Variants in LCE1C observed in about 807,000 individuals in gnomAD.
The protein encoded by LCE1C is late cornified envelope protein 1C.
LCE1C carries 1 observed loss-of-function variant against 0.7 expected under a neutral mutation model. The ratio of observed to expected loss-of-function variants is 1.44; its 90% CI spans 0.51 to 6.83. LCE1C has a LOEUF of 6.83. Among genes scored for constraint, LCE1C ranks in the 30% most tolerant of loss-of-function variants. The pLI is 0.14. For synonymous variants in LCE1C, 72 were observed against 57.9 expected (o/e 1.24, Z -1.10); for missense variants, 136 against 149.6 (o/e 0.91, Z 0.48).
intron 1 of LCE1C, among the ~76,000 whole-genome samples, chr1:152,805,797 T>C (rs1352098471): frequency 6.6e-6 from 1 of 152,114 alleles, no homozygotes; most frequent in East Asian, 1.9e-4. Flanking sequence ...ATTTAGTAAA[T>C]TAAAGGAAGC....
intron 1 of LCE1C, among the ~76,000 whole-genome samples, chr1:152,806,193 G>C (rs1475100794): frequency 6.6e-6 from 1 of 152,174 alleles, no homozygotes; most frequent in Non-Finnish European, 1.5e-5. Flanking sequence ...TGAATCTAGA[G>C]ATAAGTGAGT....
chr1:152,805,967 G>C (rs12025125), intron 1 of LCE1C, among the ~76,000 whole-genome samples: 1 of 152,014 alleles, frequency 6.6e-6, no homozygotes, highest in East Asian at 1.9e-4. Context: ...AATTGTAAAT[G>C]GTTTTGGAGA....
rs1369001286 is a variant in LCE1C at position 152,805,285 on chromosome 1, C to A, written c.194G>T (p.Gly65Val). Residue 65 changes from glycine to valine, a missense_variant, in exon 2 of 2, where the codon GGG (glycine) becomes GTG (valine). Gly to Val is a moderately radical substitution (Grantham distance 109). Coordinates refer to ENST00000607093, the MANE Select transcript of LCE1C (RefSeq NM_178351.4). ...ACCTCCCCCAGAACTGCAGCATCCC[C>A]CAGAGCTGGAGCCACAGCTGCCCCC... Reference protein sequence around the residue: ...SSGGSCGSSSGGCCSSGGGGC... With the variant: ...SSGGSCGSSSVGCCSSGGGGC... 4 of 1,614,006 alleles carry A rather than the reference C, an allele frequency of 2.5e-6. No homozygotes were observed. Among genetic ancestry groups the A allele is most frequent in the Non-Finnish European group, 3.4e-6 (4 of 1,180,000 alleles).
Position 152,804,974 on chromosome 1 carries a change from T to C in LCE1C, c.*148A>G. 9.9e-7 allele frequency: 1 copy of C among 1,013,306 alleles called. No homozygotes were observed. Among genetic ancestry groups the C allele is most frequent in the Non-Finnish European group, 1.5e-6 (1 of 680,382 alleles). The allele number at this position is 1,013,306 out of a possible 1,614,324, so 62.8% of individuals were successfully genotyped here. On this transcript the variant is annotated 3_prime_UTR_variant, in exon 2 of 2. Coordinates refer to ENST00000607093, the MANE Select transcript of LCE1C (RefSeq NM_178351.4). Reference sequence around the variant, plus strand: ...GGAGATCCAGGAGAGGATCTGAGTTTCTGGACTCCAGGGAAAAGATATGCT... The same window carrying C: ...GGAGATCCAGGAGAGGATCTGAGTTCCTGGACTCCAGGGAAAAGATATGCT...
Position 152,805,503 on chromosome 1 carries a change from A to G in LCE1C, c.-20-5T>C, listed in dbSNP as rs1557839289. 6.2e-7 allele frequency: 1 copy of G among 1,606,218 alleles called. No individual in the cohort carries two copies. On this transcript the variant is annotated splice_polypyrimidine_tract_variant and splice_region_variant and intron_variant, in intron 1 of 1. Transcript: ENST00000607093. ...TCTTGGTGGCGGATTCAGGAGCTGAAAGAGAGTCAAACAGCAAGTCAGACC... is the reference window on the plus strand; with the variant it reads ...TCTTGGTGGCGGATTCAGGAGCTGAGAGAGAGTCAAACAGCAAGTCAGACC...
rs1395659977 is a variant in LCE1C at position 152,805,054 on chromosome 1, T to A, written c.*68A>T. 1.7e-5 allele frequency: 26 copies of A among 1,507,468 alleles called. No homozygotes were observed. Among genetic ancestry groups the A allele is most frequent in the Non-Finnish European group, 2.2e-5 (25 of 1,124,230 alleles). The allele number at this position is 1,507,468 out of a possible 1,614,324, so 93.4% of individuals were successfully genotyped here. On this transcript the variant is annotated 3_prime_UTR_variant, in exon 2 of 2. Transcript: ENST00000607093. ...CTGTGAGCCTCTCAGGCAGGCCTAG[T>A]AGGAGAAGGGGGATGTCCTTGGCAG...
In LCE1C at chr1:152,804,922, C is replaced by T; in HGVS notation, c.*200G>A. On this transcript the variant is annotated 3_prime_UTR_variant, in exon 2 of 2. Transcript: ENST00000607093. ...TAGACAGAGCGTGGGAGGGTAGCCA[C>T]AAAGGTGAGGTCCAAGGCCAGTGAA... The T allele has an allele frequency of 1.5e-6, 1 of 685,318 alleles. No homozygotes were observed. Among genetic ancestry groups the T allele is most frequent in the East Asian group, 2.6e-5 (1 of 38,654 alleles). The allele number at this position is 685,318 out of a possible 1,614,324, so 42.5% of individuals were successfully genotyped here.
In LCE1C at chr1:152,805,180, G is replaced by T; in HGVS notation, c.299C>A (p.Ser100Ter). 6.2e-7 allele frequency: 1 copy of T among 1,613,342 alleles called. No homozygotes were observed. The change falls in exon 2 of 2, where the codon TCG (serine) becomes TAG (stop). Residue 100 changes from serine (S) to a stop codon, truncating the protein, a stop_gained. Transcript: ENST00000607093. LOFTEE classifies it high-confidence loss of function. ...PQSSGCCSQP[S>*]GGSSCCGGGS... Reference sequence around the variant, plus strand: ...CCCGCCACAGCAGCTGGAGCCCCCCGAGGGCTGGCTGCAGCAGCCAGAGCT... The same window carrying T: ...CCCGCCACAGCAGCTGGAGCCCCCCTAGGGCTGGCTGCAGCAGCCAGAGCT...
At chr1:152,805,674 G>T (rs1410638126) in intron 1 of LCE1C, among the ~76,000 whole-genome samples, 176 bp from the exon 2 acceptor site, 1 of 152,084 alleles carries the variant, frequency 6.6e-6, no homozygotes, top group African/African-American at 2.4e-5. Context: ...CTCTCACACT[G>T]TATCTTTTGA....
In LCE1C at chr1:152,805,429, G is replaced by T; in HGVS notation, c.50C>A (p.Thr17Asn). The change falls in exon 2 of 2, where the codon ACC (threonine) becomes AAC (asparagine). Residue 17 changes from threonine (T) to asparagine (N), a missense_variant. Transcript: ENST00000607093. ...GGGGCACTTGGGAGGGCACTTGGGG[G>T]TGCACTTGGGAGGGGGCTGGCACTG... is the stretch of plus-strand genomic sequence containing the variant. ...QQQCQPPPKC[T>N]PKCPPKCPTP... 1 of 1,613,846 alleles carries T rather than the reference G, an allele frequency of 6.2e-7. No individual in the cohort carries two copies. The highest frequency in any genetic ancestry group is 8.5e-7 in the Non-Finnish European group (1 of 1,179,836).
Position 152,805,069 on chromosome 1 carries a change from G to A in LCE1C, c.*53C>T. Reference sequence around the variant, plus strand: ...GCAGGCCTAGTAGGAGAAGGGGGATGTCCTTGGCAGTTTGCGGTCCTGGAT... The same window carrying A: ...GCAGGCCTAGTAGGAGAAGGGGGATATCCTTGGCAGTTTGCGGTCCTGGAT... On this transcript the variant is annotated 3_prime_UTR_variant, in exon 2 of 2. Transcript: ENST00000607093. 2 of 1,529,582 alleles carry A rather than the reference G, an allele frequency of 1.3e-6. No homozygotes were observed. The highest frequency in any genetic ancestry group is 8.8e-7 in the Non-Finnish European group (1 of 1,139,654). The allele number at this position is 1,529,582 out of a possible 1,614,324, so 94.8% of individuals were successfully genotyped here.
chr1:152,804,866 G>T lies in LCE1C; in HGVS notation c.*256C>A. ...TTAGTCCTTTAATCAGCAGATGCACGCTGCAAATGACATTGAGTAAGCTAG... is the reference window on the plus strand; with the variant it reads ...TTAGTCCTTTAATCAGCAGATGCACTCTGCAAATGACATTGAGTAAGCTAG... On this transcript the variant is annotated 3_prime_UTR_variant, in exon 2 of 2. Coordinates refer to ENST00000607093, the MANE Select transcript of LCE1C (RefSeq NM_178351.4). 2.0e-6 allele frequency: 1 copy of T among 491,478 alleles called. No homozygotes were observed. Among genetic ancestry groups the T allele is most frequent in the South Asian group, 4.6e-5 (1 of 21,948 alleles). 30.4% of individuals were successfully genotyped at this position (491,478 alleles called of 1,614,324 possible).
At chr1:152,806,147 A>G (rs1045483301) in intron 1 of LCE1C, among the ~76,000 whole-genome samples, 9 of 152,204 alleles carry the variant, frequency 5.9e-5, no homozygotes, top group Admixed American at 4.6e-4. Flanking sequence ...TCAGCTTGCT[A>G]TGTCTAACTA....
Position 152,805,479 on chromosome 1 carries a change from C to A in LCE1C, c.-1G>T. 1.2e-6 allele frequency: 2 copies of A among 1,613,748 alleles called. No individual in the cohort carries two copies. The highest frequency in any genetic ancestry group is 1.7e-6 in the Non-Finnish European group (2 of 1,179,656). On this transcript the variant is annotated 5_prime_UTR_variant, in exon 2 of 2. Transcript: ENST00000607093. ...GCTGCTGGCTCTGCTGGCAGGACAT[C>A]TTGGTGGCGGATTCAGGAGCTGAAA...
rs531919609 is a variant in LCE1C, at chr1:152,805,094, T to A, written c.*28A>T. The A allele has an allele frequency of 2.4e-4, 376 of 1,556,920 alleles. 3 individuals are homozygous for A. In the South Asian group the frequency reaches 4.1e-3, roughly 17 times the overall value. On this transcript the variant is annotated 3_prime_UTR_variant, in exon 2 of 2. Transcript: ENST00000607093. ...GTCCTTGGCAGTTTGCGGTCCTGGA[T>A]TCTGCTCTTCTAGGCTCAGGGTCCA...
rs760901253 is a variant in LCE1C at position 152,805,251 on chromosome 1, G to A, written c.228C>T (p.Cys76=). The A allele has an allele frequency of 1.2e-6, 2 of 1,613,920 alleles. No homozygotes were observed. The highest frequency in any genetic ancestry group is 3.3e-5 in the Admixed American group (2 of 60,014). Residue 76 remains cysteine, a synonymous_variant, in exon 2 of 2, where the codon TGC becomes TGT. Coordinates refer to ENST00000607093, the MANE Select transcript of LCE1C (RefSeq NM_178351.4). ...ACCTACGGCGCCTGTGGTGGCTCAG[G>A]CAGCAGCCACCTCCCCCAGAACTGC... The part of the protein sequence containing the change: ...GCCSSGGGGC[C]LSHHRRRRSH...
intron 1 of LCE1C, 149 bp from the exon 2 acceptor site, chr1:152,805,647 T>G (rs1652320993): frequency 4.3e-6 from 3 of 703,866 alleles, no homozygotes; most frequent in Admixed American, 5.7e-5. Flanking sequence ...TTGTTGTTTC[T>G]TGTAGTTTGG....
At chr1:152,805,830 A>T (rs1331727556) in intron 1 of LCE1C, among the ~76,000 whole-genome samples, 6 of 152,248 alleles carry the variant, frequency 3.9e-5, no homozygotes, top group Non-Finnish European at 4.4e-5. Flanking sequence ...TGTGTCAAAT[A>T]AAACCCTGAA....
In LCE1C at chr1:152,805,266, C is replaced by T. The variant is rs1455322676; in HGVS notation, c.213G>A (p.Gly71=). ...GGTGGCTCAGGCAGCAGCCACCTCC[C>T]CCAGAACTGCAGCATCCCCCAGAGC... The part of the protein sequence containing the change: ...GSSSGGCCSS[G]GGGCCLSHHR... The change falls in exon 2 of 2, where the codon GGG becomes GGA. Residue 71 remains glycine (G), a synonymous_variant. Transcript: ENST00000607093. 1.9e-6 allele frequency: 3 copies of T among 1,613,876 alleles called. No individual in the cohort carries two copies. The highest frequency in any genetic ancestry group is 3.3e-5 in the Admixed American group (2 of 60,000).
Sources: allele counts gnomAD v4.1 joint callset (sites outside exome capture counted in the v4.1 genomes callset), GRCh38; gene constraint gnomAD v4.1.1; transcripts MANE v1.5; gene names NCBI Gene and HGNC (gene_info 2026-07-23, HGNC 2026-07-21).